The following SHISA9 variants were observed in gnomAD, a reference collection of about 807,000 sequenced individuals.
SHISA9 encodes shisa family member 9, also known as protein shisa-9.
Under a neutral mutation model 38.0 loss-of-function variants are expected in SHISA9, and 13 were observed. That is an observed-to-expected ratio of 0.34 (90% confidence interval 0.22 to 0.54). The LOEUF is 0.54. Among genes scored for constraint, SHISA9 ranks in the 20% least tolerant of loss-of-function variants. SHISA9 has a pLI of 0.91. For synonymous variants in SHISA9, 275 were observed against 242.0 expected (o/e 1.14, Z -1.27); for missense variants, 538 against 575.8 (o/e 0.93, Z 0.67).
the SHISA9 span, among the ~76,000 whole-genome samples, chr16:13,284,684 G>T: frequency 6.6e-6 from 1 of 152,128 alleles, no homozygotes; most frequent in African/African-American, 2.4e-5. Context: ...TGCAGCCTCC[G>T]CCTCCTGGGT....
At chr16:13,390,210 C>T in the SHISA9 span, among the ~76,000 whole-genome samples, 1 of 151,836 alleles carries the variant, frequency 6.6e-6, no homozygotes, top group Non-Finnish European at 1.5e-5. Context: ...GCACCAGAAG[C>T]AAGCATGCAT....
the SHISA9 span, among the ~76,000 whole-genome samples, chr16:13,316,257 C>G: frequency 6.6e-6 from 1 of 152,088 alleles, no homozygotes; most frequent in East Asian, 1.9e-4. Context: ...ACAACTATTG[C>G]AAAAGTTTCC....
chr16:13,244,388 T>C (rs2051457226), downstream of SHISA9, among the ~76,000 whole-genome samples: 1 of 152,172 alleles, frequency 6.6e-6, no homozygotes, highest in Non-Finnish European at 1.5e-5. Context: ...AGCCCTCACC[T>C]TCCTCAGCCT....
the SHISA9 span, among the ~76,000 whole-genome samples, chr16:13,372,047 C>G: frequency 1.1e-4 from 16 of 152,224 alleles, no homozygotes; most frequent in Middle Eastern, 3.2e-3. Context: ...ATTTAGAACT[C>G]AAACACTGAT....
At chr16:13,283,301 T>C in the SHISA9 span, among the ~76,000 whole-genome samples, 4 of 152,124 alleles carry the variant, frequency 2.6e-5, no homozygotes, top group East Asian at 1.9e-4. Flanking sequence ...CAGATCTTAT[T>C]TGGGTTTTCT....
intron 2 of SHISA9, among the ~76,000 whole-genome samples, chr16:12,971,314 G>A (rs2072079005): frequency 1.3e-5 from 2 of 152,212 alleles, no homozygotes; most frequent in Non-Finnish European, 2.9e-5. Context: ...GCCTTTGCCA[G>A]TAGCCAGGAA....
intron 2 of SHISA9, among the ~76,000 whole-genome samples, chr16:12,921,325 A>C (rs1161038032): frequency 1.3e-5 from 2 of 152,188 alleles, no homozygotes; most frequent in Non-Finnish European, 2.9e-5. Flanking sequence ...TCCCAAACGG[A>C]CTTACAAGGA....
chr16:13,466,165 C>G, the SHISA9 span, among the ~76,000 whole-genome samples: 4 of 152,148 alleles, frequency 2.6e-5, no homozygotes, highest in African/African-American at 9.7e-5. Context: ...AGGAGAAATG[C>G]TTCTACTAGG....
At chr16:13,356,992 G>C in the SHISA9 span, among the ~76,000 whole-genome samples, 1 of 152,118 alleles carries the variant, frequency 6.6e-6, no homozygotes, top group Non-Finnish European at 1.5e-5. Flanking sequence ...AAGTTTTTGA[G>C]AACACAGGCT....
the SHISA9 span, among the ~76,000 whole-genome samples, chr16:13,449,656 T>G: frequency 6.6e-6 from 1 of 152,190 alleles, no homozygotes; most frequent in Non-Finnish European, 1.5e-5. Flanking sequence ...CCTTTCATTA[T>G]GTAAAGCCCC....
intron 2 of SHISA9, among the ~76,000 whole-genome samples, chr16:12,917,265 A>G (rs1046546012): frequency 7.2e-5 from 11 of 152,188 alleles, no homozygotes; most frequent in Admixed American, 2.6e-4. Context: ...GCTGTTTTCA[A>G]TTATGAAATA....
At chr16:13,280,551 C>A in the SHISA9 span, among the ~76,000 whole-genome samples, 15 of 151,618 alleles carry the variant, frequency 9.9e-5, no homozygotes, top group Non-Finnish European at 1.6e-4. Flanking sequence ...CTTTGACTTG[C>A]CTATTATTTA....
chr16:13,415,258 T>TA, the SHISA9 span, among the ~76,000 whole-genome samples: 1 of 152,156 alleles, frequency 6.6e-6, no homozygotes, highest in African/African-American at 2.4e-5. Context: ...TATGCAGCTA[T>TA]AAAAAAGAAT....
Position 13,235,343 on chromosome 16 carries a change from C to G in SHISA9, c.1209C>G (p.Arg403=). 6.5e-7 allele frequency: 1 copy of G among 1,544,524 alleles called. No individual in the cohort carries two copies. The highest frequency in any genetic ancestry group is 8.7e-7 in the Non-Finnish European group (1 of 1,146,980). Residue 403 remains arginine (R), a synonymous_variant, in exon 5 of 5, where the codon CGC becomes CGG. Coordinates refer to ENST00000558583, the MANE Select transcript of SHISA9 (RefSeq NM_001145204.3). ...ETGSSDPLGT[R]PQHYPPPQPY... The stretch of plus-strand genomic sequence containing the variant: ...GCTCCAGCGACCCCTTGGGAACTCG[C>G]CCCCAGCACTACCCACCCCCACAGC...
At chr16:13,454,347 A>G in the SHISA9 span, among the ~76,000 whole-genome samples, 2 of 152,196 alleles carry the variant, frequency 1.3e-5, no homozygotes, top group African/African-American at 4.8e-5. Flanking sequence ...GAGTAGGAGA[A>G]GCACTTTACG....
chr16:13,537,261 C>G, the SHISA9 span, among the ~76,000 whole-genome samples: 1 of 152,008 alleles, frequency 6.6e-6, no homozygotes, highest in Non-Finnish European at 1.5e-5. Context: ...AACCCCATCT[C>G]TATTAAAAAT....
rs559828744 is a variant in SHISA9, at chr16:13,079,608, G to A, written c.692-123786G>A. On this transcript the variant is annotated intron_variant, in intron 2 of 4. Transcript: ENST00000558583. ...CAATCATAAACACCCTATAAACAAC[G>A]CATTTCTCCTGGAAGATCCATTTTC... 7.2e-5 allele frequency among the ~76,000 whole-genome samples: 11 copies of A among 152,248 alleles called. No individual in the cohort carries two copies. In the East Asian group the frequency reaches 1.2e-3, roughly 16 times the overall value.
At chr16:13,218,821 T>A (rs1050498627) in intron 4 of SHISA9, among the ~76,000 whole-genome samples, 6 of 152,158 alleles carry the variant, frequency 3.9e-5, no homozygotes, top group Non-Finnish European at 7.4e-5. Context: ...CAATAGACAA[T>A]GTGCAATAGG....
chr16:13,527,146 A>G, the SHISA9 span, among the ~76,000 whole-genome samples: 1 of 152,244 alleles, frequency 6.6e-6, no homozygotes, highest in Non-Finnish European at 1.5e-5. Flanking sequence ...TTACTTCAAC[A>G]AACACTGTTC....
Sources: allele counts gnomAD v4.1 joint callset (sites outside exome capture counted in the v4.1 genomes callset), GRCh38; gene constraint gnomAD v4.1.1; transcripts MANE v1.5; gene names NCBI Gene and HGNC (gene_info 2026-07-23, HGNC 2026-07-21).